Variants in HEATR5B observed in about 807,000 individuals in gnomAD.
HEATR5B encodes the protein HEAT repeat containing 5B.
A neutral mutation model predicts 224.1 loss-of-function variants in HEATR5B; 156 were observed. That is an observed-to-expected ratio of 0.70 (90% CI 0.61 to 0.80). HEATR5B has a LOEUF of 0.80. Ranked by LOEUF, HEATR5B falls within the 30% of genes least tolerant of loss-of-function variation. The pLI, the probability that HEATR5B is intolerant of heterozygous loss-of-function variation, is 0.00. For missense variants in HEATR5B, 2,323 were observed against 2,535.5 expected (o/e 0.92, Z 1.80); for synonymous variants, 1,027 against 893.0 (o/e 1.15, Z -2.68).
chr2:37,058,401 A>C, intron 14 of HEATR5B, 50 bp downstream of exon 14: 1 of 1,048,888 alleles, frequency 9.5e-7, no homozygotes, highest in East Asian at 2.4e-5. Context: ...TAATACGGTG[A>C]AGAATTGTAA....
chr2:37,066,842 T>C (rs1163175539), intron 8 of HEATR5B, among the ~76,000 whole-genome samples: 2 of 152,120 alleles, frequency 1.3e-5, no homozygotes, highest in African/African-American at 4.8e-5. Context: ...CAGACTAGGA[T>C]ATAATGGATT....
chr2:37,059,462 A>ATTTTTT (rs1287761202), intron 12 of HEATR5B, among the ~76,000 whole-genome samples: 3 of 93,900 alleles, frequency 3.2e-5, no homozygotes, highest in South Asian at 8.3e-4. Flanking sequence ...ATATATATAT[A>ATTTTTT]TATTTTTTTT....
At chr2:36,985,043 C>T (rs1227721177) in intron 35 of HEATR5B, among the ~76,000 whole-genome samples, 1 of 152,174 alleles carries the variant, frequency 6.6e-6, no homozygotes, top group Non-Finnish European at 1.5e-5. Flanking sequence ...AAAACATATA[C>T]TGCCCATTCT....
intron 21 of HEATR5B, 111 bp from the exon 22 acceptor site, chr2:37,032,884 G>T (rs866063528): frequency 3.7e-4 from 263 of 702,460 alleles, no homozygotes; most frequent in Middle Eastern, 2.8e-3. Context: ...GTTTTGTTTT[G>T]TTTTTTTTTT....
chr2:37,028,529 T>A (rs1018240325), intron 23 of HEATR5B, 152 bp downstream of exon 23: 6 of 613,846 alleles, frequency 9.8e-6, no homozygotes, highest in Non-Finnish European at 1.6e-5. Flanking sequence ...AATTTAACTT[T>A]CAACATTTTG....
At position 37,054,190 on chromosome 2, in the gene HEATR5B, C is replaced by CT. The variant is rs1242821499; in HGVS notation, c.2400-584dup. On this transcript the variant is annotated intron_variant, in intron 16 of 35. Transcript: ENST00000233099. ...TCCATGGCCATCTTAGATGATTTCT[C>CT]TGTTTTTTTTTTTTTTTTTTTGAGA... Among the ~76,000 whole-genome samples the CT allele has an allele frequency of 2.6e-3, 239 of 93,654 alleles. 8 individuals carry two copies. The highest frequency in any genetic ancestry group is 6.3e-3 in the Middle Eastern group (1 of 158). The allele number at this position is 93,654 out of a possible 152,430, so 61.4% of individuals were successfully genotyped here.
chr2:37,008,656 G>A lies in HEATR5B; in HGVS notation c.4477C>T (p.Leu1493Phe). The change falls in exon 28 of 36, where the codon CTC becomes TTC. Residue 1493 changes from leucine (L) to phenylalanine (F), a missense_variant. Physicochemically the swap from Leu to Phe is conservative, Grantham distance 22. Coordinates refer to ENST00000233099, the MANE Select transcript of HEATR5B (RefSeq NM_019024.3). ...LWLAALKDYA[L>F]LTLPAEFSSQ... ...GAAAATTCGGCTGGTAAAGTCAAGA[G>A]TGCATAATCTTTTAATGCTGCTAAC... 6.2e-7 allele frequency: 1 copy of A among 1,614,126 alleles called. No homozygotes were observed. Among genetic ancestry groups the A allele is most frequent in the Non-Finnish European group, 8.5e-7 (1 of 1,180,004 alleles).
chr2:37,056,381 A>G, intron 16 of HEATR5B, 59 bp downstream of exon 16: 2 of 1,207,854 alleles, frequency 1.7e-6, no homozygotes, highest in Non-Finnish European at 2.3e-6. Flanking sequence ...GAGAAAATCT[A>G]CTTTTCGTTT....
At chr2:36,995,742 A>G (rs1252559562) in intron 33 of HEATR5B, among the ~76,000 whole-genome samples, 1 of 152,206 alleles carries the variant, frequency 6.6e-6, no homozygotes, top group Non-Finnish European at 1.5e-5. Flanking sequence ...TATTGGATAT[A>G]TTATCCAAAT....
At position 36,984,215 on chromosome 2, in the gene HEATR5B, A is replaced by AAAAAAAAAAAAAAAAAATATATAT; in HGVS notation, c.5912-2422_5912-2421insATATATATTTTTTTTTTTTTTTTT. ...AACTCTGTCTCAAAAAAAAAAAAAA[A>AAAAAAAAAAAAAAAAAATATATAT]ATATATATATATATATATATATAAA... On this transcript the variant is annotated intron_variant, in intron 35 of 35. Transcript: ENST00000233099. 9.0e-5 allele frequency among the ~76,000 whole-genome samples: 7 copies of AAAAAAAAAAAAAAAAAATATATAT among 77,642 alleles called. No individual in the cohort carries two copies. The East Asian group carries it at 2.5e-3, about 27-fold the overall frequency. The allele number at this position is 77,642 out of a possible 152,430, so 50.9% of individuals were successfully genotyped here.
intron 23 of HEATR5B, 146 bp downstream of exon 23, chr2:37,028,535 T>G (rs1377081645): frequency 1.6e-6 from 1 of 624,438 alleles, no homozygotes; most frequent in Non-Finnish European, 2.6e-6. Flanking sequence ...ACTTTCAACA[T>G]TTTGACAGAG....
rs200135832 is a variant in HEATR5B, at chr2:37,057,379, C to G, written c.2161G>C (p.Asp721His). 6.2e-7 allele frequency: 1 copy of G among 1,612,512 alleles called. No individual in the cohort carries two copies. The highest frequency in any genetic ancestry group is 8.5e-7 in the Non-Finnish European group (1 of 1,179,290). The stretch of plus-strand genomic sequence containing the variant: ...CAAGAACCAAGAAGAACACTATCAT[C>G]ATAATGGCAGAGGGATCTGAGGAGG... ...TSLLRSLCHY[D>H]DSVLLGSWLQ... The change falls in exon 15 of 36, where the codon GAT becomes CAT. Residue 721 changes from aspartate to histidine, a missense_variant. Coordinates refer to ENST00000233099, the MANE Select transcript of HEATR5B (RefSeq NM_019024.3).
intron 16 of HEATR5B, among the ~76,000 whole-genome samples, chr2:37,055,496 T>C (rs943362457): frequency 1.3e-5 from 2 of 152,224 alleles, no homozygotes; most frequent in African/African-American, 4.8e-5. Flanking sequence ...TTCTTCCACC[T>C]TTAACATCAT....
At chr2:36,996,035 G>A (rs958288642) in intron 33 of HEATR5B, among the ~76,000 whole-genome samples, 3 of 150,782 alleles carry the variant, frequency 2.0e-5, no homozygotes, top group Non-Finnish European at 4.4e-5. Context: ...ACAGGCACAC[G>A]TCACTGCGCT....
intron 28 of HEATR5B, 103 bp from the exon 29 acceptor site, chr2:37,007,407 G>C: frequency 2.3e-6 from 3 of 1,282,992 alleles, no homozygotes; most frequent in Non-Finnish European, 2.1e-6. Flanking sequence ...GCAATGGTGC[G>C]ATCTTGGCTC....
chr2:37,032,100 C>G (rs1161739571), intron 22 of HEATR5B, among the ~76,000 whole-genome samples: 1 of 152,180 alleles, frequency 6.6e-6, no homozygotes, highest in Non-Finnish European at 1.5e-5. Context: ...AATTACATCG[C>G]AAGAGGCTAA....
rs1253009645 is a variant in HEATR5B, at chr2:37,027,945, A to G, written c.3831T>C (p.Ser1277=). 3.1e-6 allele frequency: 5 copies of G among 1,614,006 alleles called. No individual in the cohort carries two copies. Among genetic ancestry groups the G allele is most frequent in the Admixed American group, 1.7e-5 (1 of 60,006 alleles). The change falls in exon 24 of 36, where the codon TCT becomes TCC. Residue 1277 remains serine (S), a synonymous_variant. Coordinates refer to ENST00000233099, the MANE Select transcript of HEATR5B (RefSeq NM_019024.3). The part of the protein sequence containing the change: ...QAHFDLALAR[S]AKLRNPTNDL... The stretch of plus-strand genomic sequence containing the variant: ...TACTTGTAGGGTTTCGAAGTTTAGC[A>G]GAACGTGCCAAGGCAAGATCAAAGT...
At chr2:37,002,615 A>G in intron 31 of HEATR5B, 43 bp from the exon 32 acceptor site, 1 of 1,590,532 alleles carries the variant, frequency 6.3e-7, no homozygotes, top group Non-Finnish European at 8.6e-7. Context: ...GCCAAAAAAA[A>G]GTATGTAAAA....
In HEATR5B at chr2:37,084,277, C is replaced by A. The variant is rs536403900; in HGVS notation, c.-31G>T. On this transcript the variant is annotated 5_prime_UTR_variant, in exon 1 of 36. Transcript: ENST00000233099. Reference sequence around the variant, plus strand: ...TGCTTCGGCGACCTCACCTCGTAGTCTGGAAGGGAAGATCAGCTGAGCTCC... The same window carrying A: ...TGCTTCGGCGACCTCACCTCGTAGTATGGAAGGGAAGATCAGCTGAGCTCC... The A allele has an allele frequency of 3.0e-5, 12 of 393,542 alleles. No individual in the cohort carries two copies. The South Asian group carries it at 1.7e-3, about 56-fold the overall frequency. 24.4% of individuals were successfully genotyped at this position (393,542 alleles called of 1,614,324 possible). A position where few individuals can be genotyped will look rare whatever the true frequency, so the allele number is the denominator to read the frequency against.
Sources: gnomAD v4.1 joint callset for allele counts (sites outside exome capture counted in the v4.1 genomes callset) on GRCh38, gnomAD v4.1.1 for gene constraint, MANE v1.5 for transcripts, NCBI Gene and HGNC (gene_info 2026-07-23, HGNC 2026-07-21) for gene names.